The following CADM1 variants were observed in gnomAD, a reference collection of about 807,000 sequenced individuals.
The protein encoded by CADM1 is cell adhesion molecule 1, also known as TSLC-1.
CADM1 carries 15 observed loss-of-function variants against 53.1 expected under a neutral mutation model. The ratio of observed to expected loss-of-function variants is 0.28; its 90% CI spans 0.19 to 0.44. The LOEUF (loss-of-function observed/expected upper bound fraction) is 0.44, where lower values mean the gene tolerates loss of function less well. Ranked by LOEUF, CADM1 falls within the 20% of genes least tolerant of loss-of-function variation. The pLI, the probability that CADM1 is intolerant of heterozygous loss-of-function variation, is 1.00. For synonymous variants in CADM1, 281 were observed against 243.0 expected (o/e 1.16, Z -1.45); for missense variants, 434 against 611.3 (o/e 0.71, Z 3.06).
intron 1 of CADM1, among the ~76,000 whole-genome samples, chr11:115,260,650 CTTTT>C (rs1265577768): frequency 2.0e-5 from 3 of 152,026 alleles, no homozygotes; most frequent in Non-Finnish European, 4.4e-5. Flanking sequence ...TTCCTAAGTG[CTTTT>C]TTTAAATTTT....
chr11:115,250,449 A>G (rs1942566436), intron 1 of CADM1, among the ~76,000 whole-genome samples: 1 of 152,214 alleles, frequency 6.6e-6, no homozygotes, highest in Non-Finnish European at 1.5e-5. Context: ...AAGATTAACA[A>G]CTAGTGTAAG....
At chr11:115,419,992 T>C (rs1947712383) in intron 1 of CADM1, among the ~76,000 whole-genome samples, 2 of 152,164 alleles carry the variant, frequency 1.3e-5, no homozygotes, top group Admixed American at 6.6e-5. Flanking sequence ...CTCTCCTCCA[T>C]TGTTAACTTG....
At chr11:115,301,587 C>T (rs1291146415) in intron 1 of CADM1, among the ~76,000 whole-genome samples, 2 of 151,990 alleles carry the variant, frequency 1.3e-5, no homozygotes, top group Admixed American at 1.3e-4. Context: ...GACCTTTGTA[C>T]TTTACTGATC....
intron 1 of CADM1, among the ~76,000 whole-genome samples, chr11:115,277,996 C>G (rs1943488837): frequency 6.6e-6 from 1 of 152,152 alleles, no homozygotes. Context: ...CCATGCCCCT[C>G]TCTACCTATC....
chr11:115,191,063 G>T, intron 9 of CADM1, 122 bp from the exon 10 acceptor site: 1 of 783,008 alleles, frequency 1.3e-6, no homozygotes, highest in Non-Finnish European at 2.1e-6. Context: ...CTATGTTTTT[G>T]ATAGCATGAA....
intron 1 of CADM1, among the ~76,000 whole-genome samples, chr11:115,264,861 A>T (rs904558947): frequency 6.6e-6 from 1 of 152,178 alleles, no homozygotes; most frequent in African/African-American, 2.4e-5. Flanking sequence ...TTCCACACCT[A>T]CACAAGAGAA....
intron 1 of CADM1, among the ~76,000 whole-genome samples, chr11:115,423,130 C>T (rs993419306): frequency 6.6e-6 from 1 of 151,834 alleles, no homozygotes; most frequent in Non-Finnish European, 1.5e-5. Context: ...GATTTACATA[C>T]CCATCAACCT....
intron 1 of CADM1, among the ~76,000 whole-genome samples, chr11:115,365,101 T>G (rs1271642737): frequency 1.3e-5 from 2 of 152,202 alleles, no homozygotes; most frequent in Non-Finnish European, 2.9e-5. Context: ...ACTTCTCTAA[T>G]GTACCCAGGC....
chr11:115,256,505 C>T (rs1204155935), intron 1 of CADM1, among the ~76,000 whole-genome samples: 3 of 152,194 alleles, frequency 2.0e-5, no homozygotes, highest in Admixed American at 1.3e-4. Context: ...AGGCTAACAG[C>T]ATCGTTAGCA....
chr11:115,412,337 G>C (rs898443912), intron 1 of CADM1, among the ~76,000 whole-genome samples: 1 of 152,090 alleles, frequency 6.6e-6, no homozygotes, highest in African/African-American at 2.4e-5. Flanking sequence ...TGGGACTAGA[G>C]GCAAGCACCA....
chr11:115,189,452 C>A (rs957850680), intron 10 of CADM1, among the ~76,000 whole-genome samples: 7 of 152,172 alleles, frequency 4.6e-5, no homozygotes, highest in African/African-American at 1.7e-4. Context: ...ATTGCCAGGG[C>A]TACTGTATCA....
At chr11:115,454,403 C>G (rs912487627) in intron 1 of CADM1, among the ~76,000 whole-genome samples, 1 of 152,186 alleles carries the variant, frequency 6.6e-6, no homozygotes, top group African/African-American at 2.4e-5. Flanking sequence ...ACTTTCCTGC[C>G]AGGTAAATCA....
rs752080208 is a variant in CADM1 at position 115,214,693 on chromosome 11, T to C, written c.909A>G (p.Leu303=). ...GGTATGTACCATTATCTGTTTTGTT[T>C]AGGTTATTGATGAACAGGTTGGGCC... The part of the protein sequence containing the change: ...LSGPNLFINN[L]NKTDNGTYRC... Residue 303 remains leucine (L), a synonymous_variant, in exon 7 of 12, where the codon CTA becomes CTG. Transcript: ENST00000331581. 2.5e-6 allele frequency: 4 copies of C among 1,614,090 alleles called. No homozygotes were observed. The highest frequency in any genetic ancestry group is 1.7e-5 in the Admixed American group (1 of 60,022).
At chr11:115,451,921 GAAAA>G (rs924502351) in intron 1 of CADM1, among the ~76,000 whole-genome samples, 1 of 145,208 alleles carries the variant, frequency 6.9e-6, no homozygotes, top group Non-Finnish European at 1.5e-5. Flanking sequence ...GGCTGGAGGG[GAAAA>G]AAAAAAACTT....
Position 115,331,368 on chromosome 11 carries a change from C to T in CADM1, c.125-90948G>A, listed in dbSNP as rs558265230. Among the ~76,000 whole-genome samples the T allele has an allele frequency of 4.1e-4, 62 of 152,200 alleles. 1 individual carries two copies. The highest frequency in any genetic ancestry group is 1.4e-3 in the African/African-American group (60 of 41,542). ...CCTTTCCAACTAAACAAAAGAGCCT[C>T]CCACACACAGAGACACACATTTCCA... On this transcript the variant is annotated intron_variant, in intron 1 of 11. Transcript: ENST00000331581.
intron 1 of CADM1, among the ~76,000 whole-genome samples, chr11:115,490,777 A>C (rs1056615281): frequency 6.6e-6 from 1 of 152,124 alleles, no homozygotes; most frequent in Non-Finnish European, 1.5e-5. Flanking sequence ...TGGGTTTTGA[A>C]CATAGATATA....
At chr11:115,214,513 G>C (rs1012633636) in intron 7 of CADM1, 95 bp downstream of exon 7, 4 of 1,304,466 alleles carry the variant, frequency 3.1e-6, no homozygotes, top group Non-Finnish European at 4.4e-6. Flanking sequence ...ACTGGTTTTT[G>C]ATTTTCAACT....
At chr11:115,200,272 A>G (rs1940356372) in intron 8 of CADM1, among the ~76,000 whole-genome samples, 1 of 152,234 alleles carries the variant, frequency 6.6e-6, no homozygotes, top group African/African-American at 2.4e-5. Flanking sequence ...TCTGTCACAG[A>G]TTCTCCTGAC....
intron 1 of CADM1, among the ~76,000 whole-genome samples, chr11:115,414,109 A>C (rs2135253207): frequency 6.6e-6 from 1 of 152,310 alleles, no homozygotes; most frequent in Admixed American, 6.5e-5. Context: ...AACTAAGGCA[A>C]ATGCTGCCTT....
Sources: gnomAD v4.1 joint callset for allele counts (sites outside exome capture counted in the v4.1 genomes callset) on GRCh38, gnomAD v4.1.1 for gene constraint, MANE v1.5 for transcripts, NCBI Gene and HGNC (gene_info 2026-07-23, HGNC 2026-07-21) for gene names.